The following DEPTOR variants were observed in gnomAD, a reference collection of about 807,000 sequenced individuals.
The protein encoded by DEPTOR is DEP domain containing MTOR interacting protein, also known as DEP domain-containing mTOR-interacting protein.
Under a neutral mutation model 41.6 loss-of-function variants are expected in DEPTOR, and 41 were observed. The ratio of observed to expected loss-of-function variants is 0.98; its 90% confidence interval spans 0.77 to 1.28. The LOEUF (loss-of-function observed/expected upper bound fraction) is 1.28, where lower values mean the gene tolerates loss of function less well. DEPTOR is among the 50% of genes most tolerant of loss of function. DEPTOR has a pLI of 0.00. For missense variants in DEPTOR, 514 were observed against 527.9 expected, an observed-to-expected ratio of 0.97 and a Z score of 0.26; for synonymous variants, 195 against 192.3, an observed-to-expected ratio of 1.01 and a Z score of -0.12.
At chr8:120,022,908 C>G (rs1053794545) in intron 8 of DEPTOR, among the ~76,000 whole-genome samples, 7 of 152,138 alleles carry the variant, frequency 4.6e-5, no homozygotes, top group Non-Finnish European at 1.0e-4. Context: ...CAAAGCTGAT[C>G]CAACCCAAGT....
intron 8 of DEPTOR, among the ~76,000 whole-genome samples, chr8:120,031,252 A>C (rs982409004): frequency 2.0e-5 from 3 of 152,064 alleles, no homozygotes; most frequent in Non-Finnish European, 4.4e-5. Flanking sequence ...GGATCACCTG[A>C]GGTCAGGAGT....
At chr8:120,002,876 CT>C (rs1357789044) in intron 5 of DEPTOR, 100 bp from the exon 6 acceptor site, 105 of 1,355,340 alleles carry the variant, frequency 7.7e-5, no homozygotes, top group Non-Finnish European at 9.7e-5. Flanking sequence ...GACCAGTGTG[CT>C]TTCTCCTGGC....
intron 1 of DEPTOR, among the ~76,000 whole-genome samples, chr8:119,918,662 T>G (rs948200667): frequency 6.6e-6 from 1 of 152,160 alleles, no homozygotes; most frequent in African/African-American, 2.4e-5. Flanking sequence ...GGTTTCACCA[T>G]GTTGGCCAGG....
At chr8:119,904,504 TA>T (rs1410142916) in intron 1 of DEPTOR, among the ~76,000 whole-genome samples, 2 of 152,122 alleles carry the variant, frequency 1.3e-5, no homozygotes, top group Non-Finnish European at 2.9e-5. Context: ...TATATTTATT[TA>T]TTTTTTTGAG....
chr8:119,963,396 G>A lies in DEPTOR; in HGVS notation c.426-1836G>A, dbSNP rs112445389. ...GACGGAGTCTCCCTCTGTCACTCAG[G>A]CTGGAGTGCAGTGGTGTGAACTCGG... On this transcript the variant is annotated intron_variant, in intron 3 of 8. Transcript: ENST00000286234. 3.4e-3 allele frequency among the ~76,000 whole-genome samples: 511 copies of A among 152,118 alleles called. 3 individuals are homozygous for A. The highest frequency in any genetic ancestry group is 0.012 in the African/African-American group (491 of 41,502).
chr8:119,917,496 T>A (rs1173760577), intron 1 of DEPTOR, among the ~76,000 whole-genome samples: 1 of 152,202 alleles, frequency 6.6e-6, no homozygotes, highest in African/African-American at 2.4e-5. Context: ...CTGTGCAAGA[T>A]GTGCTTTGTT....
At chr8:119,952,485 A>G (rs4871815) in intron 3 of DEPTOR, among the ~76,000 whole-genome samples, 62,434 of 151,994 alleles carry the variant, frequency 0.41, 13,318 homozygotes, top group Admixed American at 0.55. Context: ...GTTCCAAGAT[A>G]CATGTGCAGA....
chr8:119,961,508 T>C (rs1293240899), intron 3 of DEPTOR, among the ~76,000 whole-genome samples: 1 of 151,916 alleles, frequency 6.6e-6, no homozygotes, highest in Non-Finnish European at 1.5e-5. Flanking sequence ...CCTTGTCCAG[T>C]GTTCTTTCTA....
At chr8:119,927,684 C>G (rs543819731) in intron 1 of DEPTOR, among the ~76,000 whole-genome samples, 4 of 151,638 alleles carry the variant, frequency 2.6e-5, no homozygotes, top group Non-Finnish European at 5.9e-5. Context: ...TCTCAGCTCA[C>G]TGCAACCTCC....
chr8:119,981,116 C>G (rs1393767606), intron 4 of DEPTOR, among the ~76,000 whole-genome samples: 2 of 152,178 alleles, frequency 1.3e-5, no homozygotes, highest in Non-Finnish European at 2.9e-5. Flanking sequence ...AATCCAAGTT[C>G]CAAACAACTG....
intron 1 of DEPTOR, among the ~76,000 whole-genome samples, chr8:119,883,022 G>A (rs1827318189): frequency 6.6e-6 from 1 of 152,118 alleles, no homozygotes; most frequent in Non-Finnish European, 1.5e-5. Context: ...AGGATTTAGT[G>A]GGACAGATAG....
chr8:120,016,451 A>G (rs918279709), intron 8 of DEPTOR, among the ~76,000 whole-genome samples: 4 of 152,054 alleles, frequency 2.6e-5, no homozygotes, highest in East Asian at 3.9e-4. Flanking sequence ...GGTGTGTACC[A>G]CCACACCCAG....
chr8:119,921,220 A>G (rs1464094610), intron 1 of DEPTOR, among the ~76,000 whole-genome samples: 1 of 151,984 alleles, frequency 6.6e-6, no homozygotes, highest in African/African-American at 2.4e-5. Context: ...CGGGCAATCC[A>G]CCAGCCTCGG....
chr8:119,887,619 C>G (rs941947769), intron 1 of DEPTOR, among the ~76,000 whole-genome samples: 1 of 150,028 alleles, frequency 6.7e-6, no homozygotes, highest in Admixed American at 6.7e-5. Flanking sequence ...CCTGCTTCAG[C>G]CTACCAAGTA....
At chr8:119,935,760 A>C (rs1032809372) in intron 3 of DEPTOR, among the ~76,000 whole-genome samples, 3 of 151,974 alleles carry the variant, frequency 2.0e-5, no homozygotes, top group Admixed American at 1.3e-4. Flanking sequence ...AAAAAAGTTG[A>C]ATTCAGGATT....
chr8:120,040,665 CAA>C (rs5894509), intron 8 of DEPTOR, among the ~76,000 whole-genome samples: 66,645 of 151,792 alleles, frequency 0.44, 15,514 homozygotes, highest in African/African-American at 0.59. Flanking sequence ...AAATGTTAAC[CAA>C]AAATGCATAG....
intron 4 of DEPTOR, among the ~76,000 whole-genome samples, chr8:119,974,751 G>A (rs1374091756): frequency 2.0e-5 from 3 of 151,510 alleles, no homozygotes; most frequent in South Asian, 2.1e-4. Context: ...CAGCCTGGGC[G>A]ACAGAGCAAG....
chr8:119,983,495 C>A (rs1287310763), intron 4 of DEPTOR, among the ~76,000 whole-genome samples: 1 of 152,112 alleles, frequency 6.6e-6, no homozygotes, highest in Non-Finnish European at 1.5e-5. Context: ...AGCGATTCTC[C>A]TGCCTTAGCC....
intron 4 of DEPTOR, among the ~76,000 whole-genome samples, chr8:119,977,728 C>T (rs1392772048): frequency 6.6e-6 from 1 of 152,128 alleles, no homozygotes; most frequent in Non-Finnish European, 1.5e-5. Flanking sequence ...CAAGCCTTAA[C>T]TTTTCAGAAA....
Sources: gnomAD v4.1 joint callset for allele counts (sites outside exome capture counted in the v4.1 genomes callset) on GRCh38, gnomAD v4.1.1 for gene constraint, MANE v1.5 for transcripts, NCBI Gene and HGNC (gene_info 2026-07-23, HGNC 2026-07-21) for gene names.